MORC4: variants seen among roughly 807,000 people sequenced by gnomAD.
MORC4 encodes the protein MORC family CW-type zinc finger 4.
MORC4 carries 22 observed loss-of-function variants against 65.5 expected under a neutral mutation model. That is an observed-to-expected ratio of 0.34 (90% CI 0.24 to 0.48). The LOEUF is 0.48. Ranked by LOEUF, MORC4 falls within the 20% of genes least tolerant of loss-of-function variation. The pLI, the probability that MORC4 is intolerant of heterozygous loss-of-function variation, is 0.99. For synonymous variants in MORC4, 267 were observed against 255.8 expected, an observed-to-expected ratio of 1.04 and a Z score of -0.42; for missense variants, 624 against 703.0, an observed-to-expected ratio of 0.89 and a Z score of 1.27.
chrX:106,996,101 G>A (rs1283032915), intron 2 of MORC4, among the ~76,000 whole-genome samples: 3 of 110,305 alleles, frequency 2.7e-5, no homozygotes, highest in African/African-American at 9.9e-5. Flanking sequence ...TGCATTCAAC[G>A]AATCAGCTCA....
chrX:106,979,102 T>A (rs1229942338), intron 7 of MORC4, among the ~76,000 whole-genome samples: 2 of 110,724 alleles, frequency 1.8e-5, no homozygotes, highest in Non-Finnish European at 3.8e-5. Flanking sequence ...TCTAAATGAG[T>A]TGAATGAAAA....
At chrX:106,974,876 T>C (rs1297726289) in intron 9 of MORC4, among the ~76,000 whole-genome samples, 1 of 111,839 alleles carries the variant, frequency 8.9e-6, no homozygotes, top group African/African-American at 3.2e-5. Context: ...AAAAGGGCAA[T>C]GGTGCCAGAA....
intron 3 of MORC4, among the ~76,000 whole-genome samples, chrX:106,991,957 C>G (rs1934993090): frequency 9.0e-6 from 1 of 111,315 alleles, no homozygotes; most frequent in Non-Finnish European, 1.9e-5. Context: ...CTAGTACATA[C>G]AGAATTGAAC....
At chrX:106,944,759 T>G (rs753376944) in intron 14 of MORC4, among the ~76,000 whole-genome samples, 1 of 111,579 alleles carries the variant, frequency 9.0e-6, no homozygotes, top group African/African-American at 3.3e-5. Context: ...TCCCTATGTT[T>G]CCTATTTGTG....
chrX:106,985,664 T>C (rs1384264322), intron 4 of MORC4, among the ~76,000 whole-genome samples: 1 of 106,091 alleles, frequency 9.4e-6, no homozygotes, highest in Non-Finnish European at 1.9e-5. Flanking sequence ...AATGCAAATG[T>C]AGCTATCCTT....
intron 12 of MORC4, 61 bp downstream of exon 12, chrX:106,956,875 G>A: frequency 1.1e-6 from 1 of 907,053 alleles, no homozygotes; most frequent in South Asian, 2.3e-5. Flanking sequence ...CTCCCGTCCT[G>A]TAAGGAAGTG....
In MORC4 at chrX:106,941,371, T is replaced by TGAGGGTGAGAGAGA; in HGVS notation, c.*107_*108insTCTCTCTCACCCTC. On this transcript the variant is annotated 3_prime_UTR_variant, in exon 17 of 17. Coordinates refer to ENST00000355610, the MANE Select transcript of MORC4 (RefSeq NM_024657.5). ...TCTATATAAGGCATAAAGGTGAGGG[T>TGAGGGTGAGAGAGA]GAGAGAGAGAGAGAGAGAGAGAGAG... 1 of 279,481 alleles carries TGAGGGTGAGAGAGA rather than the reference T, an allele frequency of 3.6e-6. No homozygotes were observed. Among genetic ancestry groups the TGAGGGTGAGAGAGA allele is most frequent in the South Asian group, 9.7e-5 (1 of 10,359 alleles). 23.0% of individuals were successfully genotyped at this position (279,481 alleles called of 1,213,427 possible). A position where few individuals can be genotyped will look rare whatever the true frequency, so the allele number is the denominator to read the frequency against.
chrX:106,993,445 A>T (rs972707038), intron 2 of MORC4, 83 bp from the exon 3 acceptor site: 43 of 980,216 alleles, frequency 4.4e-5, no homozygotes, highest in Non-Finnish European at 5.7e-5. Context: ...GCCAAGACAT[A>T]AGAAATGTCC....
chrX:106,969,575 G>A (rs1934457164), intron 9 of MORC4, among the ~76,000 whole-genome samples: 1 of 111,677 alleles, frequency 9.0e-6, no homozygotes, highest in Non-Finnish European at 1.9e-5. Flanking sequence ...TAGACAGACT[G>A]CTAGCAAGAT....
chrX:106,981,513 C>G (rs375270904), intron 5 of MORC4, 36 bp from the exon 6 acceptor site: 4 of 1,130,632 alleles, frequency 3.5e-6, no homozygotes, highest in Non-Finnish European at 4.7e-6. Flanking sequence ...CTAACAAAAA[C>G]TGGCTCCAGA....
Position 106,956,544 on chromosome X carries a change from G to A in MORC4, c.1455-10C>T, listed in dbSNP as rs965375013. On this transcript the variant is annotated splice_polypyrimidine_tract_variant and intron_variant, in intron 12 of 16. Coordinates refer to ENST00000355610, the MANE Select transcript of MORC4 (RefSeq NM_024657.5). ...CTCAACAGTTTGTTCTCTAGGAGAA[G>A]ATAAAAGTGCTATTTAGTTCACTCA... The A allele has an allele frequency of 1.4e-5, 16 of 1,182,665 alleles. No individual in the cohort carries two copies. Among genetic ancestry groups the A allele is most frequent in the African/African-American group, 7.1e-5 (4 of 56,730 alleles).
rs1249153267 is a variant in MORC4 at position 106,985,088 on chromosome X, T to A, written c.674+8A>T. On this transcript the variant is annotated splice_region_variant and intron_variant, in intron 5 of 16. Transcript: ENST00000355610. Reference sequence around the variant, plus strand: ...TTATTAGAATCTATCACCCTTGGAATACTATACCTGCGGATGTTCCAAATG... The same window carrying A: ...TTATTAGAATCTATCACCCTTGGAAAACTATACCTGCGGATGTTCCAAATG... 1.7e-6 allele frequency: 2 copies of A among 1,179,023 alleles called. No homozygotes were observed. Among genetic ancestry groups the A allele is most frequent in the Non-Finnish European group, 2.3e-6 (2 of 874,273 alleles).
chrX:106,995,018 A>G (rs1353877171), intron 2 of MORC4, among the ~76,000 whole-genome samples: 1 of 111,653 alleles, frequency 9.0e-6, no homozygotes, highest in Non-Finnish European at 1.9e-5. Flanking sequence ...CTATTCTTCT[A>G]GCTATTTGAA....
At position 106,949,643 on chromosome X, in the gene MORC4, T is replaced by G. The variant is rs184814185; in HGVS notation, c.1685+5270A>C. On this transcript the variant is annotated intron_variant, in intron 14 of 16. Transcript: ENST00000355610. ...GCCTCTGATGTACTTGTTCAGATTT[T>G]TTTTCTTGATTTTAATCTTTCACCT... Among the ~76,000 whole-genome samples the G allele has an allele frequency of 1.2e-4, 13 of 112,696 alleles. No homozygotes were observed. The East Asian group carries it at 3.6e-3, about 31-fold the overall frequency.
chrX:106,944,533 T>C (rs1216183399), intron 14 of MORC4, among the ~76,000 whole-genome samples: 1 of 111,587 alleles, frequency 9.0e-6, no homozygotes, highest in African/African-American at 3.3e-5. Context: ...CTTAACTATC[T>C]TCTCTTCTGA....
chrX:106,941,382 G>C lies in MORC4; in HGVS notation c.*97C>G, dbSNP rs1336616934. 2 of 492,633 alleles carry C rather than the reference G, an allele frequency of 4.1e-6. No homozygotes were observed. Among genetic ancestry groups the C allele is most frequent in the Non-Finnish European group, 6.1e-6 (2 of 328,933 alleles). 40.6% of individuals were successfully genotyped at this position (492,633 alleles called of 1,213,427 possible). ...CATAAAGGTGAGGGTGAGAGAGAGA[G>C]AGAGAGAGAGAGAGAGAGAGAGAGA... is the stretch of plus-strand genomic sequence containing the variant. On this transcript the variant is annotated 3_prime_UTR_variant, in exon 17 of 17. Transcript: ENST00000355610.
In MORC4 at chrX:106,943,129, G is replaced by C. The variant is rs773185595; in HGVS notation, c.1762C>G (p.Leu588Val). 3 of 1,209,531 alleles carry C rather than the reference G, an allele frequency of 2.5e-6. No individual in the cohort carries two copies. The highest frequency in any genetic ancestry group is 3.5e-5 in the South Asian group (2 of 56,767). Residue 588 changes from leucine to valine, a missense_variant, in exon 15 of 17, where the codon CTA (leucine) becomes GTA (valine). Physicochemically the swap from Leu to Val is conservative, Grantham distance 32. Transcript: ENST00000355610. ...RLQNEMTTPS[L>V]DYSMPAPYRR... ...TAAGGAGCAGGCATGGAATAATCTA[G>C]AGAAGGTGTTGTCATCTCATTCTGG... is the stretch of plus-strand genomic sequence containing the variant.
At chrX:106,958,254 G>C (rs1934155331) in intron 11 of MORC4, 82 bp downstream of exon 11, 3 of 969,085 alleles carry the variant, frequency 3.1e-6, no homozygotes, top group Non-Finnish European at 4.3e-6. Flanking sequence ...TGAAGGGTGT[G>C]AACCTGAGAT....
chrX:106,975,797 T>G (rs1009171964), intron 9 of MORC4, among the ~76,000 whole-genome samples: 1 of 111,075 alleles, frequency 9.0e-6, no homozygotes, highest in African/African-American at 3.3e-5. Flanking sequence ...TATAATCTGC[T>G]TTGTGAAGCC....
Sources: gnomAD v4.1 joint callset for allele counts (sites outside exome capture counted in the v4.1 genomes callset) on GRCh38, gnomAD v4.1.1 for gene constraint, MANE v1.5 for transcripts, NCBI Gene and HGNC (gene_info 2026-07-23, HGNC 2026-07-21) for gene names.